The following STK39 variants were observed in gnomAD, a reference collection of about 807,000 sequenced individuals.
The protein encoded by STK39 is serine/threonine kinase 39.
In STK39, 20 loss-of-function variants were observed where a neutral mutation model predicts 77.8. That is an observed-to-expected ratio of 0.26 (90% CI 0.18 to 0.37). STK39 has a LOEUF of 0.37. Among genes scored for constraint, STK39 ranks in the 10% least tolerant of loss-of-function variants. The pLI is 1.00. For missense variants in STK39, 479 were observed against 656.5 expected (o/e 0.73, Z 2.95); for synonymous variants, 246 against 234.1 (o/e 1.05, Z -0.47).
intron 1 of STK39, among the ~76,000 whole-genome samples, chr2:168,201,374 A>G (rs910997509): frequency 1.3e-5 from 2 of 152,242 alleles, no homozygotes; most frequent in Admixed American, 1.3e-4. Flanking sequence ...CAGACCCAGC[A>G]TAGAGAAGCA....
intron 1 of STK39, among the ~76,000 whole-genome samples, chr2:168,199,975 G>C (rs1240240831): frequency 1.3e-5 from 2 of 152,122 alleles, no homozygotes; most frequent in Non-Finnish European, 2.9e-5. Flanking sequence ...GGAAATATCT[G>C]GGCTATAAGA....
chr2:168,032,503 G>A (rs947236722), intron 14 of STK39, among the ~76,000 whole-genome samples: 1 of 152,180 alleles, frequency 6.6e-6, no homozygotes, highest in African/African-American at 2.4e-5. Flanking sequence ...TTTCTTCAAT[G>A]ACTGTCCTTT....
rs116456976 is a variant in STK39 at position 168,115,734 on chromosome 2, G to A, written c.1089+13807C>T. On this transcript the variant is annotated intron_variant, in intron 10 of 17. Coordinates refer to ENST00000355999, the MANE Select transcript of STK39 (RefSeq NM_013233.3). ...TGGCATGATTCCAACTTTGTTTTCT[G>A]GAGAAATGACTCTTTGAGCTGAAAC... Among the ~76,000 whole-genome samples, 827 of 152,234 alleles carry A rather than the reference G, an allele frequency of 5.4e-3. 8 individuals carry two copies. Among genetic ancestry groups the A allele is most frequent in the African/African-American group, 0.019 (795 of 41,546 alleles).
intron 14 of STK39, among the ~76,000 whole-genome samples, chr2:168,022,220 C>A (rs1346451099): frequency 6.6e-6 from 1 of 152,074 alleles, no homozygotes; most frequent in African/African-American, 2.4e-5. Context: ...CAATAAGTAA[C>A]CTTATTCTTA....
intron 17 of STK39, among the ~76,000 whole-genome samples, chr2:167,959,407 G>C (rs540143580): frequency 6.6e-6 from 1 of 151,940 alleles, no homozygotes; most frequent in South Asian, 2.1e-4. Flanking sequence ...TTACTGGCGT[G>C]AGCCACCGCG....
chr2:168,090,611 A>C (rs1006141501), intron 10 of STK39, among the ~76,000 whole-genome samples: 2 of 152,226 alleles, frequency 1.3e-5, no homozygotes, highest in African/African-American at 4.8e-5. Context: ...AGACACTACT[A>C]GTGCACAACA....
At chr2:168,133,537 G>A (rs969666571) in intron 8 of STK39, among the ~76,000 whole-genome samples, 5 of 152,070 alleles carry the variant, frequency 3.3e-5, no homozygotes, top group African/African-American at 4.8e-5. Flanking sequence ...ATCTCCATGA[G>A]AAAGAATGAA....
At chr2:168,216,504 T>G (rs1690027793) in intron 1 of STK39, among the ~76,000 whole-genome samples, 1 of 152,196 alleles carries the variant, frequency 6.6e-6, no homozygotes, top group African/African-American at 2.4e-5. Context: ...AAAAGTTGTG[T>G]TTGGCTGTTT....
chr2:168,044,699 A>C (rs1352368564), intron 14 of STK39, among the ~76,000 whole-genome samples: 4 of 152,218 alleles, frequency 2.6e-5, no homozygotes, highest in African/African-American at 9.6e-5. Flanking sequence ...AGGCAAACCC[A>C]AGGGAACCAG....
intron 5 of STK39, among the ~76,000 whole-genome samples, chr2:168,145,158 C>G (rs1277226361): frequency 6.6e-6 from 1 of 152,108 alleles, no homozygotes; most frequent in African/African-American, 2.4e-5. Context: ...GCAAGTCCAA[C>G]AGGAAACAAA....
chr2:168,214,838 C>T (rs4438452), intron 1 of STK39, among the ~76,000 whole-genome samples: 25,373 of 152,162 alleles, frequency 0.17, 2,200 homozygotes, highest in East Asian at 0.25. Context: ...GTGCCACGAA[C>T]TGAGGTAAGA....
At chr2:168,054,503 A>C (rs995460563) in intron 14 of STK39, among the ~76,000 whole-genome samples, 1 of 152,260 alleles carries the variant, frequency 6.6e-6, no homozygotes, top group African/African-American at 2.4e-5. Context: ...AATAAAGCCA[A>C]GATATGCATC....
chr2:168,144,839 G>C (rs1185045372), intron 5 of STK39, among the ~76,000 whole-genome samples: 1 of 151,930 alleles, frequency 6.6e-6, no homozygotes, highest in Non-Finnish European at 1.5e-5. Flanking sequence ...TCATTAGGTG[G>C]GTGCGGTGGC....
At chr2:168,083,027 T>C (rs1467548793) in intron 10 of STK39, among the ~76,000 whole-genome samples, 4 of 152,166 alleles carry the variant, frequency 2.6e-5, no homozygotes, top group Non-Finnish European at 5.9e-5. Flanking sequence ...TTATCATGAA[T>C]ATCCTCAATG....
At chr2:167,998,701 C>A (rs1158987516) in intron 16 of STK39, among the ~76,000 whole-genome samples, 3 of 152,144 alleles carry the variant, frequency 2.0e-5, no homozygotes, top group Non-Finnish European at 4.4e-5. Flanking sequence ...TTCAGAATTA[C>A]TGGAAGGTAT....
chr2:168,113,984 G>A (rs1212708457), intron 10 of STK39, among the ~76,000 whole-genome samples: 1 of 152,182 alleles, frequency 6.6e-6, no homozygotes, highest in African/African-American at 2.4e-5. Context: ...TCAAACAGAT[G>A]CATTCATTGT....
In STK39 at chr2:168,181,996, G is replaced by C; in HGVS notation, c.303C>G (p.Thr101=). ...TACTTACTAATAGTTCATCCATACT[G>C]GTCTGGCATTTTTCCAAGTTGATCC... The part of the protein sequence containing the change: ...IKRINLEKCQ[T]SMDELLKEIQ... Residue 101 remains threonine (T), a synonymous_variant, in exon 2 of 18, where the codon ACC becomes ACG. Transcript: ENST00000355999. 1 of 1,613,836 alleles carries C rather than the reference G, an allele frequency of 6.2e-7. No individual in the cohort carries two copies. Among genetic ancestry groups the C allele is most frequent in the Non-Finnish European group, 8.5e-7 (1 of 1,179,844 alleles).
chr2:168,186,230 AAG>A (rs1689203923), intron 1 of STK39, among the ~76,000 whole-genome samples: 1 of 152,208 alleles, frequency 6.6e-6, no homozygotes, highest in Non-Finnish European at 1.5e-5. Flanking sequence ...ACAAGCCAGC[AAG>A]AGAGCCCACC....
intron 6 of STK39, 100 bp from the exon 7 acceptor site, chr2:168,140,490 C>T (rs970703042): frequency 2.4e-6 from 3 of 1,234,816 alleles, no homozygotes; most frequent in Non-Finnish European, 2.4e-6. Context: ...TGATGTATAA[C>T]TTTCACGTTA....
Sources: gnomAD v4.1 joint callset for allele counts (sites outside exome capture counted in the v4.1 genomes callset) on GRCh38, gnomAD v4.1.1 for gene constraint, MANE v1.5 for transcripts, NCBI Gene and HGNC (gene_info 2026-07-23, HGNC 2026-07-21) for gene names.